The following SPATA16 variants were observed in gnomAD, a reference collection of about 807,000 sequenced individuals.
SPATA16 encodes spermatogenesis associated 16, also known as spermatogenesis-associated protein 16.
A neutral mutation model predicts 63.3 loss-of-function variants in SPATA16; 36 were observed. The ratio of observed to expected loss-of-function variants is 0.57; its 90% CI spans 0.44 to 0.75. The LOEUF (loss-of-function observed/expected upper bound fraction) is 0.75. Among genes scored for constraint, SPATA16 ranks in the 30% least tolerant of loss-of-function variants. The pLI, the probability that SPATA16 is intolerant of heterozygous loss-of-function variation, is 0.00. For synonymous variants in SPATA16, 203 were observed against 216.7 expected, an observed-to-expected ratio of 0.94 and a Z score of 0.56; for missense variants, 646 against 679.3, an observed-to-expected ratio of 0.95 and a Z score of 0.54.
At chr3:173,036,605 A>G (rs1735720234) in intron 3 of SPATA16, among the ~76,000 whole-genome samples, 1 of 152,062 alleles carries the variant, frequency 6.6e-6, no homozygotes, top group Admixed American at 6.6e-5. Flanking sequence ...GCAATTAATC[A>G]TTAAGAAACT....
At chr3:173,105,663 A>C (rs181461795) in intron 2 of SPATA16, among the ~76,000 whole-genome samples, 3 of 152,282 alleles carry the variant, frequency 2.0e-5, no homozygotes, top group East Asian at 3.9e-4. Context: ...CCAGCTAACA[A>C]ATGTGCTGCT....
chr3:173,110,065 G>A (rs1574002), intron 2 of SPATA16, among the ~76,000 whole-genome samples: 10 of 152,056 alleles, frequency 6.6e-5, no homozygotes, highest in Non-Finnish European at 1.2e-4. Context: ...AATTCATTTC[G>A]TATTTTCCTG....
chr3:172,996,159 G>A (rs1339026605), intron 4 of SPATA16, among the ~76,000 whole-genome samples: 2 of 151,990 alleles, frequency 1.3e-5, no homozygotes, highest in Non-Finnish European at 2.9e-5. Flanking sequence ...CATTTTAGGC[G>A]AGACCACCAT....
chr3:173,082,826 A>G (rs767199359), intron 2 of SPATA16, among the ~76,000 whole-genome samples: 10 of 152,110 alleles, frequency 6.6e-5, no homozygotes, highest in Non-Finnish European at 1.0e-4. Flanking sequence ...ATCTAAGGGT[A>G]CTAGTGCCTC....
chr3:173,086,339 T>A (rs1399766684), intron 2 of SPATA16, among the ~76,000 whole-genome samples: 1 of 152,134 alleles, frequency 6.6e-6, no homozygotes, highest in Non-Finnish European at 1.5e-5. Context: ...TTTATAGTAT[T>A]CTCTCTGACA....
intron 2 of SPATA16, among the ~76,000 whole-genome samples, chr3:173,088,008 GTCTTTCTTTCTTTCTTTCTT>G (rs57997275): frequency 0.04 from 3,675 of 90,752 alleles, 130 homozygotes; most frequent in East Asian, 0.079. Context: ...TTTTCTTTCC[GTCTTTCTTTCTTTCTTTCTT>G]TCTTTCTTTC....
At chr3:173,120,103 AG>A (rs1214409182) in intron 1 of SPATA16, among the ~76,000 whole-genome samples, 39 of 149,998 alleles carry the variant, frequency 2.6e-4, no homozygotes, top group African/African-American at 9.6e-4. Context: ...AAAAAAAAAG[AG>A]AGAGAAAAAA....
intron 4 of SPATA16, among the ~76,000 whole-genome samples, chr3:173,010,910 C>G (rs1334145074): frequency 2.6e-5 from 4 of 152,060 alleles, no homozygotes; most frequent in Non-Finnish European, 4.4e-5. Context: ...CCTAGACAGA[C>G]CAATATCGAG....
intron 5 of SPATA16, among the ~76,000 whole-genome samples, chr3:172,957,924 A>G (rs1733639130): frequency 1.3e-5 from 2 of 152,190 alleles, no homozygotes; most frequent in Non-Finnish European, 2.9e-5. Flanking sequence ...ATGATCATCT[A>G]CATTGCTTGT....
chr3:172,998,694 A>G (rs1327220175), intron 4 of SPATA16, among the ~76,000 whole-genome samples: 1 of 152,070 alleles, frequency 6.6e-6, no homozygotes, highest in African/African-American at 2.4e-5. Flanking sequence ...GACTTTTTTT[A>G]AAAAATGAAG....
chr3:173,014,994 T>C (rs1735148229), intron 4 of SPATA16, among the ~76,000 whole-genome samples: 1 of 152,190 alleles, frequency 6.6e-6, no homozygotes, highest in Non-Finnish European at 1.5e-5. Flanking sequence ...AATGTGTTAT[T>C]CCTGTTTTTG....
At chr3:172,971,180 T>C (rs985320495) in intron 5 of SPATA16, among the ~76,000 whole-genome samples, 1 of 152,130 alleles carries the variant, frequency 6.6e-6, no homozygotes, top group Non-Finnish European at 1.5e-5. Flanking sequence ...GCCTAAAAGA[T>C]CTATTGGAAA....
chr3:173,122,714 A>G (rs764982061), intron 1 of SPATA16, among the ~76,000 whole-genome samples: 4 of 152,236 alleles, frequency 2.6e-5, no homozygotes, highest in African/African-American at 9.6e-5. Flanking sequence ...GAGAAACTAA[A>G]GATGACCGAG....
chr3:173,126,691 C>T (rs1358431127), intron 1 of SPATA16, among the ~76,000 whole-genome samples: 1 of 152,154 alleles, frequency 6.6e-6, no homozygotes, highest in Non-Finnish European at 1.5e-5. Flanking sequence ...TTTCAAAATA[C>T]TCTAATCTGT....
intron 1 of SPATA16, among the ~76,000 whole-genome samples, chr3:173,118,944 A>C (rs1737982688): frequency 6.6e-6 from 1 of 152,254 alleles, no homozygotes; most frequent in Non-Finnish European, 1.5e-5. Context: ...TTTATCTTCA[A>C]GGTCAGTGTC....
At chr3:173,080,643 T>G (rs1344879595) in intron 2 of SPATA16, among the ~76,000 whole-genome samples, 1 of 152,330 alleles carries the variant, frequency 6.6e-6, no homozygotes, top group African/African-American at 2.4e-5. Flanking sequence ...TGATGACTAA[T>G]GGAAGAACTA....
chr3:173,104,514 T>C (rs1040852016), intron 2 of SPATA16, among the ~76,000 whole-genome samples: 1 of 152,162 alleles, frequency 6.6e-6, no homozygotes, highest in Non-Finnish European at 1.5e-5. Flanking sequence ...TTAATCATGA[T>C]GGAAAGTGAA....
At chr3:173,049,320 G>A (rs1424565831) in intron 2 of SPATA16, among the ~76,000 whole-genome samples, 1 of 152,028 alleles carries the variant, frequency 6.6e-6, no homozygotes, top group Non-Finnish European at 1.5e-5. Context: ...TATTAAGTGA[G>A]TGACTGTAAT....
intron 2 of SPATA16, among the ~76,000 whole-genome samples, chr3:173,062,683 G>A (rs1736409119): frequency 6.6e-6 from 1 of 152,092 alleles, no homozygotes; most frequent in Non-Finnish European, 1.5e-5. Context: ...CTTCTCAACT[G>A]GCCATGAATG....
Sources: gnomAD v4.1 joint callset for allele counts (sites outside exome capture counted in the v4.1 genomes callset) on GRCh38, gnomAD v4.1.1 for gene constraint, MANE v1.5 for transcripts, NCBI Gene and HGNC (gene_info 2026-07-23, HGNC 2026-07-21) for gene names.